The following ADCY5 variants were observed in gnomAD, a reference collection of about 807,000 sequenced individuals.
The protein encoded by ADCY5 is adenylate cyclase 5, also known as adenylate cyclase type 5.
ADCY5 carries 30 observed loss-of-function variants against 119.7 expected under a neutral mutation model. The observed-to-expected ratio is 0.25, with a 90% CI of 0.19 to 0.34. The LOEUF (loss-of-function observed/expected upper bound fraction) is 0.34. ADCY5 is among the 10% of genes least tolerant of loss of function. The pLI is 1.00. For synonymous variants in ADCY5, 753 were observed against 762.2 expected (o/e 0.99, Z 0.20); for missense variants, 1,324 against 1,775.2 (o/e 0.75, Z 4.57).
chr3:123,402,488 C>G (rs1016678015), intron 1 of ADCY5, among the ~76,000 whole-genome samples: 1 of 152,208 alleles, frequency 6.6e-6, no homozygotes, highest in Non-Finnish European at 1.5e-5. Context: ...AAGGCAAGCA[C>G]CGGCTTCTTT....
intron 2 of ADCY5, among the ~76,000 whole-genome samples, chr3:123,351,070 G>C (rs1442976350): frequency 6.6e-6 from 1 of 152,172 alleles, no homozygotes; most frequent in Admixed American, 6.5e-5. Context: ...CAGAAGCTCA[G>C]ACAGGGCCAG....
At chr3:123,376,821 C>A (rs964618990) in intron 1 of ADCY5, among the ~76,000 whole-genome samples, 1 of 152,218 alleles carries the variant, frequency 6.6e-6, no homozygotes, top group African/African-American at 2.4e-5. Context: ...TTACTTTTCA[C>A]TGAAATAGTC....
chr3:123,448,557 C>G lies in ADCY5; in HGVS notation c.-12G>C. The stretch of plus-strand genomic sequence containing the variant: ...TTGGAGCCGGACATCCCCCCCTCGG[C>G]CTCGTCGTCTCCTTCCTCCTCCCCC... On this transcript the variant is annotated 5_prime_UTR_variant, in exon 1 of 21. Transcript: ENST00000462833. The G allele has an allele frequency of 7.9e-7, 1 of 1,264,634 alleles. No individual in the cohort carries two copies. 78.3% of individuals were successfully genotyped at this position (1,264,634 alleles called of 1,614,324 possible). A position where few individuals can be genotyped will look rare whatever the true frequency, so the allele number is the denominator to read the frequency against.
chr3:123,383,031 C>T (rs149636020), intron 1 of ADCY5, among the ~76,000 whole-genome samples: 2,296 of 152,258 alleles, frequency 0.015, 16 homozygotes, highest in Middle Eastern at 0.027. Flanking sequence ...ACCAGCCATC[C>T]TCAGCCTCCC....
intron 3 of ADCY5, among the ~76,000 whole-genome samples, chr3:123,342,221 T>C (rs1312852442): frequency 6.6e-6 from 1 of 152,160 alleles, no homozygotes; most frequent in Non-Finnish European, 1.5e-5. Flanking sequence ...GCCTACAGGG[T>C]GCACAATCCG....
chr3:123,377,034 A>C (rs1943860418), intron 1 of ADCY5, among the ~76,000 whole-genome samples: 1 of 152,088 alleles, frequency 6.6e-6, no homozygotes, highest in Non-Finnish European at 1.5e-5. Flanking sequence ...CCCTTCTAAA[A>C]TTGCACGCGT....
chr3:123,370,745 C>T (rs1410142558), intron 1 of ADCY5, among the ~76,000 whole-genome samples: 1 of 152,202 alleles, frequency 6.6e-6, no homozygotes, highest in African/African-American at 2.4e-5. Flanking sequence ...AATACACCTG[C>T]AAACAGCAGA....
chr3:123,425,179 T>C (rs1945379568), intron 1 of ADCY5, among the ~76,000 whole-genome samples: 1 of 152,156 alleles, frequency 6.6e-6, no homozygotes, highest in Non-Finnish European at 1.5e-5. Flanking sequence ...TCTCCAACCA[T>C]CCACCCAGTT....
chr3:123,429,062 G>A (rs1945467320), intron 1 of ADCY5, among the ~76,000 whole-genome samples: 1 of 152,136 alleles, frequency 6.6e-6, no homozygotes, highest in Non-Finnish European at 1.5e-5. Context: ...AGATTATGAG[G>A]GTCAAATGAG....
intron 19 of ADCY5, among the ~76,000 whole-genome samples, chr3:123,287,943 C>T (rs893913653): frequency 6.6e-6 from 1 of 152,184 alleles, no homozygotes; most frequent in Non-Finnish European, 1.5e-5. Context: ...AAAACACACA[C>T]TGGGAGAAAA....
At chr3:123,321,537 G>C (rs905542406) in intron 8 of ADCY5, among the ~76,000 whole-genome samples, 5 of 152,130 alleles carry the variant, frequency 3.3e-5, no homozygotes, top group African/African-American at 1.2e-4. Context: ...TGTGGGGAGG[G>C]GTGGAATCTC....
chr3:123,416,413 C>G (rs1945186956), intron 1 of ADCY5: 3 of 1,368,624 alleles, frequency 2.2e-6, no homozygotes, highest in Non-Finnish European at 2.9e-6. Context: ...CCTGGACAAC[C>G]TCCCAAAGGG....
At chr3:123,403,414 A>G (rs1576671203) in intron 1 of ADCY5, among the ~76,000 whole-genome samples, 1 of 150,338 alleles carries the variant, frequency 6.7e-6, no homozygotes, top group South Asian at 2.1e-4. Flanking sequence ...AGTACAGATT[A>G]CATGTTTAGA....
Position 123,448,079 on chromosome 3 carries a change from A to T in ADCY5, c.467T>A (p.Val156Glu), listed in dbSNP as rs1440236095. Residue 156 changes from valine (V) to glutamate (E), a missense_variant, in exon 1 of 21, where the codon GTG (valine) becomes GAG (glutamate). Physicochemically the swap from Val to Glu is moderately radical, Grantham distance 121. Transcript: ENST00000462833. ...CCGCCGCTCCTCCAGACCCACCTCC[A>T]CCGAGCGAGGGCGCACCTCCGTCCC... ...AGGTEVRPRS[V>E]EVGLEERRGK... The T allele has an allele frequency of 3.3e-6, 4 of 1,222,842 alleles. No homozygotes were observed. Among genetic ancestry groups the T allele is most frequent in the Non-Finnish European group, 4.1e-6 (4 of 980,038 alleles). 75.7% of individuals were successfully genotyped at this position (1,222,842 alleles called of 1,614,324 possible). A position where few individuals can be genotyped will look rare whatever the true frequency, so the allele number is the denominator to read the frequency against.
Position 123,447,858 on chromosome 3 carries a change from A to C in ADCY5, c.688T>G (p.Tyr230Asp), listed in dbSNP as rs187021696. The change falls in exon 1 of 21, where the codon TAC (tyrosine) becomes GAC (aspartate). Residue 230 changes from tyrosine (Y) to aspartate (D), a missense_variant. By Grantham distance (160) the Tyr-to-Asp change is radical. Around this residue, in one of 6 missense-constraint regions of ADCY5, gnomAD observed 585 missense variants for 569.9 expected, o/e 1.03. Coordinates refer to ENST00000462833, the MANE Select transcript of ADCY5 (RefSeq NM_183357.3). The stretch of plus-strand genomic sequence containing the variant: ...TTCAGGCGGAAGAAGTAGCGCTGGT[A>C]CAGCCGCTCCAGTTTGTCCGACGGG... ...KFPSDKLERL[Y>D]QRYFFRLNQS... is the part of the protein sequence containing the mutation. 1 of 1,612,534 alleles carries C rather than the reference A, an allele frequency of 6.2e-7. No individual in the cohort carries two copies.
intron 1 of ADCY5, among the ~76,000 whole-genome samples, chr3:123,415,204 A>G (rs1945157249): frequency 6.6e-6 from 1 of 152,168 alleles, no homozygotes; most frequent in Non-Finnish European, 1.5e-5. Flanking sequence ...AGGGAGAGAA[A>G]TGCATTTGTT....
chr3:123,327,619 C>T lies in ADCY5; in HGVS notation c.1946G>A (p.Arg649Gln), dbSNP rs764785844. 5 of 1,613,134 alleles carry T rather than the reference C, an allele frequency of 3.1e-6. No individual in the cohort carries two copies. Among genetic ancestry groups the T allele is most frequent in the Admixed American group, 1.7e-5 (1 of 59,944 alleles). ...CCCCCCGGCCCCCAGCCCACAGACC[C>T]GCTTCTGGGTGCAGCGCAGGATGAG... ...TFLILRCTQK[R>Q]KEEKAMIAKM... The change falls in exon 7 of 21, where the codon CGG becomes CAG. Residue 649 changes from arginine (R) to glutamine (Q), a missense_variant and splice_region_variant. By Grantham distance (43) the Arg-to-Gln change is conservative. Transcript: ENST00000462833.
chr3:123,416,511 G>A (rs1381150823), intron 1 of ADCY5, among the ~76,000 whole-genome samples: 1 of 152,196 alleles, frequency 6.6e-6, no homozygotes, highest in Non-Finnish European at 1.5e-5. Context: ...GAAACTGGTA[G>A]AGACCTCAAG....
At chr3:123,434,307 C>T (rs779904031) in intron 1 of ADCY5, among the ~76,000 whole-genome samples, 42 of 152,222 alleles carry the variant, frequency 2.8e-4, no homozygotes, top group Non-Finnish European at 4.7e-4. Context: ...GTCTGTAACC[C>T]GCCTCACAGC....
Sources: allele counts gnomAD v4.1 joint callset (sites outside exome capture counted in the v4.1 genomes callset), GRCh38; gene constraint gnomAD v4.1.1; regional missense constraint gnomAD v4.1.1; transcripts MANE v1.5; gene names NCBI Gene and HGNC (gene_info 2026-07-23, HGNC 2026-07-21).